Variants in SBK1 observed in about 807,000 individuals in gnomAD.
SBK1 encodes the protein serine/threonine-protein kinase SBK1.
Under a neutral mutation model 24.4 loss-of-function variants are expected in SBK1, and 11 were observed. The observed-to-expected ratio is 0.45, with a 90% confidence interval of 0.28 to 0.75. The LOEUF is 0.75. Ranked by LOEUF, SBK1 falls within the 30% of genes least tolerant of loss-of-function variation. The pLI is 0.12. For synonymous variants in SBK1, 308 were observed against 284.4 expected (o/e 1.08, Z -0.83); for missense variants, 467 against 620.5 (o/e 0.75, Z 2.63).
intron 1 of SBK1, among the ~76,000 whole-genome samples, chr16:28,308,149 A>G (rs1441025849): frequency 5.9e-5 from 9 of 151,922 alleles, no homozygotes; most frequent in Admixed American, 5.9e-4. Flanking sequence ...TTCAAATCTA[A>G]TCTCTCTGGT....
intron 1 of SBK1, among the ~76,000 whole-genome samples, chr16:28,304,522 A>T (rs2044701844): frequency 6.6e-6 from 1 of 152,222 alleles, no homozygotes; most frequent in South Asian, 2.1e-4. Context: ...TATCTGTAAA[A>T]TGGGGCTGCC....
rs201796681 is a variant in SBK1, at chr16:28,315,973, C to G, written c.-7-1412C>G. 3.3e-5 allele frequency among the ~76,000 whole-genome samples: 5 copies of G among 152,242 alleles called. No individual in the cohort carries two copies. In the East Asian group the frequency reaches 9.7e-4, roughly 30 times the overall value. ...TAGAGACAGGGTTCCGCCACATTGA[C>G]CAGTCTGGTCTCGAACTCCTGACCT... On this transcript the variant is annotated intron_variant, in intron 1 of 3. Transcript: ENST00000341901.
chr16:28,313,995 G>A (rs1002724326), intron 1 of SBK1, among the ~76,000 whole-genome samples: 2 of 125,760 alleles, frequency 1.6e-5, no homozygotes, highest in South Asian at 2.6e-4. Flanking sequence ...AGAGAAAGCC[G>A]GTGATGATGA....
At chr16:28,270,549 C>T (rs932136807) in intron 1 of SBK1, among the ~76,000 whole-genome samples, 8 of 151,956 alleles carry the variant, frequency 5.3e-5, no homozygotes, top group African/African-American at 1.9e-4. Flanking sequence ...TCTGAGCCTC[C>T]TGGGTACCTG....
intron 1 of SBK1, among the ~76,000 whole-genome samples, chr16:28,269,014 C>A (rs1167393476): frequency 5.3e-5 from 8 of 150,664 alleles, no homozygotes; most frequent in African/African-American, 1.7e-4. Flanking sequence ...TCCTCAAAGC[C>A]AAATAGCAAG....
At chr16:28,308,224 C>T (rs535539819) in intron 1 of SBK1, among the ~76,000 whole-genome samples, 4 of 152,260 alleles carry the variant, frequency 2.6e-5, no homozygotes, top group African/African-American at 9.6e-5. Flanking sequence ...AATCTCAGCT[C>T]ACTGCCAGCT....
intron 1 of SBK1, among the ~76,000 whole-genome samples, chr16:28,277,922 C>T (rs4635350): frequency 0.42 from 64,104 of 152,164 alleles, 14,389 homozygotes; most frequent in East Asian, 0.7. Context: ...GCGGATTCCG[C>T]GGACAAAGTC....
At chr16:28,284,711 G>A (rs758166182) in intron 1 of SBK1, among the ~76,000 whole-genome samples, 9 of 152,138 alleles carry the variant, frequency 5.9e-5, no homozygotes, top group Admixed American at 2.0e-4. Context: ...AGGCCATGGC[G>A]AGTGGATCAC....
chr16:28,308,740 G>T (rs993445836), intron 1 of SBK1, among the ~76,000 whole-genome samples: 7 of 130,536 alleles, frequency 5.4e-5, no homozygotes, highest in Non-Finnish European at 8.1e-5. Context: ...CGTTCTTTGG[G>T]GTGTGTGTGT....
chr16:28,297,188 A>C (rs2044646711), intron 1 of SBK1, among the ~76,000 whole-genome samples: 1 of 152,176 alleles, frequency 6.6e-6, no homozygotes, highest in South Asian at 2.1e-4. Flanking sequence ...AAAATTAGCC[A>C]GGTGCGGTGG....
At position 28,269,744 on chromosome 16, in the gene SBK1, C is replaced by T. The variant is rs150268809; in HGVS notation, c.257+10242C>T. Among the ~76,000 whole-genome samples, 330 of 150,310 alleles carry T rather than the reference C, an allele frequency of 2.2e-3. 1 individual carries two copies. The highest frequency in any genetic ancestry group is 7.6e-3 in the African/African-American group (315 of 41,210). ...AAAAAAAATTAGCTGAGAGTGGTGG[C>T]ACGCACCTGTAGTCCCAGCTACTCT... On this transcript the variant is annotated intron_variant, in intron 1 of 3. Transcript: ENST00000671413.
chr16:28,299,122 G>A (rs1473348813), intron 1 of SBK1, among the ~76,000 whole-genome samples: 2 of 152,154 alleles, frequency 1.3e-5, no homozygotes, highest in Non-Finnish European at 2.9e-5. Flanking sequence ...GGTAAAAAAC[G>A]CAATCCCTAG....
At chr16:28,305,162 C>T (rs1317579331) in intron 1 of SBK1, among the ~76,000 whole-genome samples, 1 of 152,140 alleles carries the variant, frequency 6.6e-6, no homozygotes, top group Non-Finnish European at 1.5e-5. Context: ...CTCTGCACCT[C>T]CATATGACCC....
intron 1 of SBK1, among the ~76,000 whole-genome samples, chr16:28,300,037 C>T (rs1355888225): frequency 6.6e-6 from 1 of 152,236 alleles, no homozygotes; most frequent in African/African-American, 2.4e-5. Flanking sequence ...TTGCCTCTTT[C>T]CCGCTCTGCT....
At chr16:28,267,486 C>T (rs1379064438) in intron 1 of SBK1, among the ~76,000 whole-genome samples, 1 of 152,182 alleles carries the variant, frequency 6.6e-6, no homozygotes. Context: ...TTTGCAAAGT[C>T]CCTTTTGCCA....
chr16:28,304,808 C>T (rs971881720), intron 1 of SBK1, among the ~76,000 whole-genome samples: 1 of 152,078 alleles, frequency 6.6e-6, no homozygotes, highest in Non-Finnish European at 1.5e-5. Flanking sequence ...TGGGGTTTCA[C>T]CGTGTTAGCC....
chr16:28,312,951 T>C (rs2044764122), intron 1 of SBK1, among the ~76,000 whole-genome samples: 1 of 152,082 alleles, frequency 6.6e-6, no homozygotes, highest in African/African-American at 2.4e-5. Context: ...CTGACCAACA[T>C]GGAGAAACCC....
intron 1 of SBK1, among the ~76,000 whole-genome samples, chr16:28,262,194 A>G (rs2044402095): frequency 6.6e-6 from 1 of 151,828 alleles, no homozygotes; most frequent in Non-Finnish European, 1.5e-5. Flanking sequence ...GGGTGGGGTC[A>G]CCTTGGGGGC....
At chr16:28,316,690 A>G (rs1049164711) in intron 1 of SBK1, among the ~76,000 whole-genome samples, 1 of 152,200 alleles carries the variant, frequency 6.6e-6, no homozygotes, top group Non-Finnish European at 1.5e-5. Flanking sequence ...CATCCTGCAC[A>G]TGTACCCCAG....
Sources: gnomAD v4.1 joint callset for allele counts (sites outside exome capture counted in the v4.1 genomes callset) on GRCh38, gnomAD v4.1.1 for gene constraint, MANE v1.5 for transcripts, NCBI Gene and HGNC (gene_info 2026-07-23, HGNC 2026-07-21) for gene names.